The following SMAD7 variants were observed in gnomAD, a reference collection of about 807,000 sequenced individuals.
SMAD7 encodes MAD (mothers against decapentaplegic, Drosophila) homolog 7.
SMAD7 carries 8 observed loss-of-function variants against 38.7 expected under a neutral mutation model. The ratio of observed to expected loss-of-function variants is 0.21; its 90% CI spans 0.12 to 0.37. The LOEUF is 0.37. Among genes scored for constraint, SMAD7 ranks in the 10% least tolerant of loss-of-function variants. The pLI is 1.00. For synonymous variants in SMAD7, 327 were observed against 265.1 expected (o/e 1.23, Z -2.27); for missense variants, 477 against 577.9 (o/e 0.83, Z 1.79).
At chr18:48,926,217 A>G (rs1309584876) in intron 3 of SMAD7, among the ~76,000 whole-genome samples, 1 of 152,212 alleles carries the variant, frequency 6.6e-6, no homozygotes, top group Non-Finnish European at 1.5e-5. Context: ...GAACACGGGC[A>G]CGCGTGGAAG....
At chr18:48,932,844 C>CT (rs957013265) in intron 3 of SMAD7, among the ~76,000 whole-genome samples, 7 of 152,200 alleles carry the variant, frequency 4.6e-5, no homozygotes, top group African/African-American at 1.7e-4. Flanking sequence ...ATCAAGTCCT[C>CT]TGGAGTTACA....
intron 3 of SMAD7, among the ~76,000 whole-genome samples, chr18:48,923,538 T>C (rs1210795812): frequency 2.0e-5 from 3 of 152,032 alleles, no homozygotes; most frequent in African/African-American, 7.2e-5. Flanking sequence ...AGTAAGGCCA[T>C]ACAAATGTGC....
chr18:48,950,204 T>C lies in SMAD7; in HGVS notation c.221A>G (p.His74Arg), dbSNP rs546781613. The change falls in exon 1 of 4, where the codon CAT becomes CGT. Residue 74 changes from histidine to arginine, a missense_variant. His to Arg is a conservative substitution (Grantham distance 29, BLOSUM62 0). Coordinates refer to ENST00000262158, the MANE Select transcript of SMAD7 (RefSeq NM_005904.4). The part of the protein sequence containing the change: ...KAVRGAKGHH[H>R]PHPPAAGAGA... ...GGCGCCCGCGGCTGGCGGGTGGGGA[T>C]GGTGGTGACCTTTGGCACCTCGCAC... 1.4e-5 allele frequency: 21 copies of C among 1,492,854 alleles called. No homozygotes were observed. The highest frequency in any genetic ancestry group is 1.7e-5 in the Non-Finnish European group (19 of 1,126,672). 92.5% of individuals were successfully genotyped at this position (1,492,854 alleles called of 1,614,324 possible). A position where few individuals can be genotyped will look rare whatever the true frequency, so the allele number is the denominator to read the frequency against.
chr18:48,934,775 G>GA lies in SMAD7; in HGVS notation c.742+7705dup, dbSNP rs915005446. On this transcript the variant is annotated intron_variant, in intron 3 of 3. Coordinates refer to ENST00000262158, the MANE Select transcript of SMAD7 (RefSeq NM_005904.4). ...ATGTTCTCGTGGGAGTGGAAGGGAA[G>GA]AAAAAAAAAACACAAAACAGAAAAC... Among the ~76,000 whole-genome samples the GA allele has an allele frequency of 4.2e-4, 59 of 141,286 alleles. 1 individual carries two copies. Among genetic ancestry groups the GA allele is most frequent in the Admixed American group, 1.5e-3 (22 of 14,296 alleles). 92.7% of individuals were successfully genotyped at this position (141,286 alleles called of 152,430 possible).
At chr18:48,947,587 G>A (rs2143820364) in intron 2 of SMAD7, among the ~76,000 whole-genome samples, 1 of 152,322 alleles carries the variant, frequency 6.6e-6, no homozygotes, top group South Asian at 2.1e-4. Context: ...TACTGTAAGA[G>A]GGAGCTCCAG....
At chr18:48,940,152 A>G (rs923878913) in intron 3 of SMAD7, among the ~76,000 whole-genome samples, 3 of 152,050 alleles carry the variant, frequency 2.0e-5, no homozygotes, top group Admixed American at 1.3e-4. Flanking sequence ...CCTCCCCACC[A>G]TGGCCCATTA....
chr18:48,949,771 G>A (rs1017058956), intron 1 of SMAD7, 41 bp downstream of exon 1: 2 of 1,530,814 alleles, frequency 1.3e-6, no homozygotes, highest in Non-Finnish European at 1.8e-6. Context: ...TCCAGCACTG[G>A]CGCTCCGGAA....
chr18:48,922,038 C>T (rs200091314), intron 3 of SMAD7, 128 bp from the exon 4 acceptor site: 15 of 736,164 alleles, frequency 2.0e-5, no homozygotes, highest in Admixed American at 2.9e-5. Context: ...AAGAAGGAGG[C>T]GGTGAGGCTA....
chr18:48,935,583 G>T (rs994560682), intron 3 of SMAD7, among the ~76,000 whole-genome samples: 6 of 152,138 alleles, frequency 3.9e-5, no homozygotes, highest in African/African-American at 1.4e-4. Flanking sequence ...GCCAACCCTG[G>T]CACCATCCTG....
chr18:48,945,785 G>A (rs1405389195), intron 2 of SMAD7, among the ~76,000 whole-genome samples: 1 of 152,080 alleles, frequency 6.6e-6, no homozygotes, highest in African/African-American at 2.4e-5. Context: ...AAACCTTTCA[G>A]ACCATCAGAT....
At chr18:48,923,746 T>G (rs1224670680) in intron 3 of SMAD7, among the ~76,000 whole-genome samples, 4 of 151,768 alleles carry the variant, frequency 2.6e-5, no homozygotes, top group African/African-American at 7.2e-5. Flanking sequence ...CCACCCCCCA[T>G]GTAGCTTGGA....
chr18:48,931,591 A>T (rs1376555971), intron 3 of SMAD7, among the ~76,000 whole-genome samples: 2 of 152,256 alleles, frequency 1.3e-5, no homozygotes, highest in Non-Finnish European at 2.9e-5. Flanking sequence ...TTAAAATGGA[A>T]GCAGTCTTTG....
intron 2 of SMAD7, among the ~76,000 whole-genome samples, chr18:48,947,095 G>T (rs2070203062): frequency 6.6e-6 from 1 of 152,180 alleles, no homozygotes; most frequent in African/African-American, 2.4e-5. Context: ...AACAGAGCTT[G>T]GTAATTCCAG....
chr18:48,926,024 G>A (rs2069923892), intron 3 of SMAD7, among the ~76,000 whole-genome samples: 1 of 152,224 alleles, frequency 6.6e-6, no homozygotes, highest in African/African-American at 2.4e-5. Flanking sequence ...GGGATTATAG[G>A]CGTGAGCCGC....
intron 3 of SMAD7, among the ~76,000 whole-genome samples, chr18:48,925,075 G>A (rs566526849): frequency 6.6e-5 from 10 of 152,298 alleles, no homozygotes; most frequent in Admixed American, 5.9e-4. Context: ...GGGACTTCCC[G>A]GGCCACGTGT....
At position 48,921,570 on chromosome 18, in the gene SMAD7, G is replaced by A. The variant is rs1334587013; in HGVS notation, c.1083C>T (p.Phe361=). Residue 361 remains phenylalanine (F), a synonymous_variant, in exon 4 of 4, where the codon TTC becomes TTT. Transcript: ENST00000262158. The surrounding 1 kb of genome is among the most constrained non-coding windows in gnomAD (Gnocchi z 6.4). Reference sequence around the variant, plus strand: ...CGAAAGCCTTGATGGAGAAACCGGGGAACACCTTGTGTACCAACAGCGTCC... The same window carrying A: ...CGAAAGCCTTGATGGAGAAACCGGGAAACACCTTGTGTACCAACAGCGTCC... ...DSRTLLVHKV[F]PGFSIKAFDY... is the part of the protein sequence containing the mutation. 6 of 1,614,208 alleles carry A rather than the reference G, an allele frequency of 3.7e-6. No individual in the cohort carries two copies. The highest frequency in any genetic ancestry group is 5.1e-6 in the Non-Finnish European group (6 of 1,180,042).
At chr18:48,937,095 A>T (rs2070076259) in intron 3 of SMAD7, among the ~76,000 whole-genome samples, 1 of 152,100 alleles carries the variant, frequency 6.6e-6, no homozygotes, top group South Asian at 2.1e-4. Flanking sequence ...AAAAAAAAAA[A>T]AATTAAAACA....
intron 3 of SMAD7, among the ~76,000 whole-genome samples, chr18:48,928,903 CTT>C (rs913789499): frequency 4.6e-5 from 7 of 152,120 alleles, no homozygotes; most frequent in East Asian, 1.9e-4. Context: ...ATCAAAAGCT[CTT>C]GTCTGTCTCG....
At position 48,950,168 on chromosome 18, in the gene SMAD7, CCGGCCGCGCCGGCGCCCG is replaced by C; in HGVS notation, c.239_256del (p.Ala80_Ala85del). 2.0e-6 allele frequency: 3 copies of C among 1,485,628 alleles called. No homozygotes were observed. Among genetic ancestry groups the C allele is most frequent in the South Asian group, 1.3e-5 (1 of 78,176 alleles). 92.0% of individuals were successfully genotyped at this position (1,485,628 alleles called of 1,614,324 possible). On this transcript the variant is annotated inframe_deletion, in exon 1 of 4. Transcript: ENST00000262158. ...CGCCTTCAGATCCGCCTCGGCGCCC[CCGGCCGCGCCGGCGCCCG>C]CGGCTGGCGGGTGGGGATGGTGGTG...
Sources: allele counts gnomAD v4.1 joint callset (sites outside exome capture counted in the v4.1 genomes callset), GRCh38; gene constraint gnomAD v4.1.1; non-coding constraint Gnocchi (gnomAD v3.1); transcripts MANE v1.5; gene names NCBI Gene and HGNC (gene_info 2026-07-23, HGNC 2026-07-21).